The following NBAS variants were observed in gnomAD, a reference collection of about 807,000 sequenced individuals.
The protein encoded by NBAS is NAG/BC035112 fusion.
Under a neutral mutation model 302.5 loss-of-function variants are expected in NBAS, and 219 were observed. The ratio of observed to expected loss-of-function variants is 0.72; its 90% CI spans 0.65 to 0.81. NBAS has a LOEUF of 0.81. Ranked by LOEUF, NBAS falls within the 30% of genes least tolerant of loss-of-function variation. The pLI is 0.00. For missense variants in NBAS, 2,932 were observed against 2,841.6 expected, an observed-to-expected ratio of 1.03 and a Z score of -0.72; for synonymous variants, 1,118 against 1,021.6, an observed-to-expected ratio of 1.09 and a Z score of -1.80.
At position 15,328,314 on chromosome 2, in the gene NBAS, T is replaced by C; in HGVS notation, c.4348-2A>G. ...ATATGCACCACCACATTTTTGCCCC[T>C]AAAAAGAAAAAAAGTACAGAACAAT... On this transcript the variant is annotated splice_acceptor_variant, in intron 36 of 51. Transcript: ENST00000281513. LOFTEE classifies it high-confidence loss of function. The C allele has an allele frequency of 6.2e-7, 1 of 1,610,698 alleles. No homozygotes were observed. Among genetic ancestry groups the C allele is most frequent in the Middle Eastern group, 1.7e-4 (1 of 6,044 alleles).
intron 38 of NBAS, among the ~76,000 whole-genome samples, chr2:15,318,586 C>G (rs1357625656): frequency 1.3e-5 from 2 of 152,078 alleles, no homozygotes; most frequent in African/African-American, 4.8e-5. Context: ...AAAAGAAAAG[C>G]AGGGGTTGCA....
At chr2:14,780,089 C>T in the NBAS span, among the ~76,000 whole-genome samples, 26 of 152,244 alleles carry the variant, frequency 1.7e-4, 1 homozygote, top group Admixed American at 1.3e-3. Context: ...AAGGCAACTT[C>T]CAGTTTTTTC....
At chr2:15,500,732 C>T (rs1661486709) in intron 11 of NBAS, among the ~76,000 whole-genome samples, 1 of 148,892 alleles carries the variant, frequency 6.7e-6, no homozygotes, top group African/African-American at 2.5e-5. Flanking sequence ...AACATTCTGG[C>T]TAACACGGTG....
chr2:15,558,439 CAT>C, intron 2 of NBAS, 139 bp downstream of exon 2: 1 of 641,300 alleles, frequency 1.6e-6, no homozygotes. Flanking sequence ...CATATACATA[CAT>C]ATGTGTGTAT....
the NBAS span, among the ~76,000 whole-genome samples, chr2:15,079,609 C>G: frequency 6.6e-6 from 1 of 152,174 alleles, no homozygotes; most frequent in Non-Finnish European, 1.5e-5. Flanking sequence ...TTATGACACA[C>G]TCAATTCCTG....
At chr2:15,528,876 A>ATAT (rs1553333163) in intron 9 of NBAS, among the ~76,000 whole-genome samples, 1 of 31,350 alleles carries the variant, frequency 3.2e-5, no homozygotes. Flanking sequence ...CAAAAAAAAA[A>ATAT]AAATATATAT....
chr2:15,258,407 T>C (rs1054800790), intron 44 of NBAS, among the ~76,000 whole-genome samples: 35 of 152,170 alleles, frequency 2.3e-4, no homozygotes, highest in Non-Finnish European at 1.6e-4. Context: ...AAAAGAGCCA[T>C]ATTTTTCTTC....
At chr2:15,177,380 C>T (rs956343137) in intron 51 of NBAS, among the ~76,000 whole-genome samples, 114 of 152,126 alleles carry the variant, frequency 7.5e-4, no homozygotes, top group Non-Finnish European at 2.8e-4. Flanking sequence ...GGAAATGCTG[C>T]TGTGTGGGTA....
At chr2:15,115,159 C>G in the NBAS span, among the ~76,000 whole-genome samples, 1 of 152,184 alleles carries the variant, frequency 6.6e-6, no homozygotes, top group African/African-American at 2.4e-5. Flanking sequence ...CACATATACA[C>G]AAGACATGGG....
At chr2:15,031,231 A>G in the NBAS span, among the ~76,000 whole-genome samples, 1 of 152,206 alleles carries the variant, frequency 6.6e-6, no homozygotes, top group African/African-American at 2.4e-5. Flanking sequence ...GCAACCAACA[A>G]TCTCATGTTA....
At chr2:14,866,074 T>C in the NBAS span, among the ~76,000 whole-genome samples, 3 of 152,168 alleles carry the variant, frequency 2.0e-5, no homozygotes, top group Non-Finnish European at 2.9e-5. Flanking sequence ...CTTTATCTGA[T>C]TGGCAAAAAT....
chr2:14,814,817 C>G, the NBAS span, among the ~76,000 whole-genome samples: 1 of 151,654 alleles, frequency 6.6e-6, no homozygotes, highest in Non-Finnish European at 1.5e-5. Flanking sequence ...GGCTCTGTGT[C>G]CCCCCCCAAA....
At chr2:15,033,490 C>T in the NBAS span, among the ~76,000 whole-genome samples, 101 of 152,128 alleles carry the variant, frequency 6.6e-4, 1 homozygote, top group African/African-American at 2.3e-3. Flanking sequence ...ATATTTTGGA[C>T]GTGAGAAGGA....
chr2:14,849,183 A>T, the NBAS span, among the ~76,000 whole-genome samples: 452 of 144,568 alleles, frequency 3.1e-3, 3 homozygotes, highest in African/African-American at 0.011. Context: ...TTTGAAAAAA[A>T]TTTAGAAGAA....
chr2:15,364,466 G>A (rs1674096237), intron 32 of NBAS, among the ~76,000 whole-genome samples: 1 of 152,186 alleles, frequency 6.6e-6, no homozygotes, highest in South Asian at 2.1e-4. Context: ...GGGAGGCACA[G>A]GTTGTAGTGA....
At chr2:15,366,454 C>T (rs956896951) in intron 32 of NBAS, 126 bp downstream of exon 32, 21 of 890,616 alleles carry the variant, frequency 2.4e-5, no homozygotes, top group Admixed American at 7.9e-5. Flanking sequence ...AGCAACAGAG[C>T]GAGACCCTGT....
At chr2:15,406,250 C>A (rs1303983843) in intron 25 of NBAS, among the ~76,000 whole-genome samples, 1 of 151,902 alleles carries the variant, frequency 6.6e-6, no homozygotes, top group Admixed American at 6.6e-5. Flanking sequence ...AATATAGAAA[C>A]TCTAGAATTA....
At chr2:15,197,151 G>GGTCTCAATGCTATATATAAGAGCC (rs1224486179) in intron 48 of NBAS, among the ~76,000 whole-genome samples, 26 of 152,168 alleles carry the variant, frequency 1.7e-4, no homozygotes, top group Non-Finnish European at 3.2e-4. Context: ...GTTATAAACA[G>GGTCTCAATGCTATATATAAGAGCC]GTCTCAATGC....
intron 40 of NBAS, among the ~76,000 whole-genome samples, chr2:15,306,730 C>T (rs1161262900): frequency 1.3e-5 from 2 of 148,816 alleles, no homozygotes; most frequent in Non-Finnish European, 1.5e-5. Flanking sequence ...CAGTATTCTG[C>T]TTTATTTCTT....
Sources: allele counts gnomAD v4.1 joint callset (sites outside exome capture counted in the v4.1 genomes callset), GRCh38; gene constraint gnomAD v4.1.1; transcripts MANE v1.5; gene names NCBI Gene and HGNC (gene_info 2026-07-23, HGNC 2026-07-21).